Variants in PUDP observed in about 807,000 individuals in gnomAD.
PUDP encodes pseudouridine-5'-phosphatase.
In PUDP, 8 loss-of-function variants were observed where a neutral mutation model predicts 9.4. The observed-to-expected ratio is 0.85, with a 90% CI of 0.50 to 1.53. The LOEUF (loss-of-function observed/expected upper bound fraction) is 1.53. Among genes scored for constraint, PUDP ranks in the 40% most tolerant of loss-of-function variants. PUDP has a pLI of 0.00. For synonymous variants in PUDP, 99 were observed against 80.7 expected (o/e 1.23, Z -1.22); for missense variants, 188 against 189.7 (o/e 0.99, Z 0.05).
At chrX:6,730,480 C>T (rs1924796054) in intron 3 of PUDP, among the ~76,000 whole-genome samples, 1 of 112,073 alleles carries the variant, frequency 8.9e-6, no homozygotes, top group Admixed American at 9.4e-5. Flanking sequence ...AGTTCCAATC[C>T]TGTCTTCCCA....
chrX:7,030,968 G>T (rs1458049144), intron 1 of PUDP, among the ~76,000 whole-genome samples: 1 of 111,544 alleles, frequency 9.0e-6, no homozygotes, highest in East Asian at 2.8e-4. Flanking sequence ...GTTATTTCTT[G>T]ACGATATGCT....
intron 1 of PUDP, among the ~76,000 whole-genome samples, chrX:7,016,362 G>A (rs1569140057): frequency 1.8e-5 from 2 of 110,299 alleles, no homozygotes; most frequent in African/African-American, 6.6e-5. Flanking sequence ...AAGTTCATAT[G>A]AGAATCTCTA....
intron 1 of PUDP, among the ~76,000 whole-genome samples, chrX:7,142,403 A>G (rs1932804240): frequency 1.8e-5 from 2 of 112,130 alleles, no homozygotes; most frequent in African/African-American, 6.5e-5. Flanking sequence ...AAATACCAAG[A>G]GAACTAGAAT....
intron 3 of PUDP, among the ~76,000 whole-genome samples, chrX:6,838,522 G>A (rs780681285): frequency 8.9e-6 from 1 of 112,233 alleles, no homozygotes; most frequent in South Asian, 3.7e-4. Flanking sequence ...AATTTTCTAC[G>A]TGCTTCTAAA....
At chrX:7,009,357 G>A (rs1351618609) in intron 1 of PUDP, among the ~76,000 whole-genome samples, 1 of 111,879 alleles carries the variant, frequency 8.9e-6, no homozygotes, top group Admixed American at 9.5e-5. Flanking sequence ...CAGATACTTC[G>A]GAGGGTAAAA....
chrX:6,979,766 A>T (rs748400784), intron 1 of PUDP, among the ~76,000 whole-genome samples: 17 of 111,318 alleles, frequency 1.5e-4, no homozygotes, highest in African/African-American at 4.5e-4. Flanking sequence ...TTATATTTAA[A>T]TAAAATTTTA....
chrX:7,038,098 G>T (rs1269468158), intron 1 of PUDP, among the ~76,000 whole-genome samples: 1 of 107,830 alleles, frequency 9.3e-6, no homozygotes, highest in Non-Finnish European at 1.9e-5. Flanking sequence ...TAAGCTATTT[G>T]ATTGAAATGC....
intron 3 of PUDP, among the ~76,000 whole-genome samples, chrX:6,831,033 G>T (rs1263133894): frequency 9.0e-6 from 1 of 111,482 alleles, no homozygotes; most frequent in Non-Finnish European, 1.9e-5. Flanking sequence ...TGGGTAGGGG[G>T]TTGGAAAGTG....
At chrX:6,959,452 G>A (rs1196560345) in intron 3 of PUDP, among the ~76,000 whole-genome samples, 1 of 112,227 alleles carries the variant, frequency 8.9e-6, no homozygotes, top group Non-Finnish European at 1.9e-5. Context: ...CCTTGGTGGT[G>A]TCCACGTGGT....
chrX:7,077,031 G>A (rs1305317536), intron 3 of PUDP, among the ~76,000 whole-genome samples, 189 bp downstream of exon 3: 3 of 111,783 alleles, frequency 2.7e-5, no homozygotes, highest in African/African-American at 9.8e-5. Context: ...ACTTAGGTGC[G>A]GCCACGATTC....
chrX:7,021,910 C>T (rs1487126480), intron 1 of PUDP, among the ~76,000 whole-genome samples: 1 of 112,353 alleles, frequency 8.9e-6, no homozygotes, highest in Admixed American at 9.4e-5. Context: ...AAATTAATTA[C>T]AGCATTACAG....
At chrX:7,144,060 G>A (rs917281108) in intron 1 of PUDP, among the ~76,000 whole-genome samples, 4 of 112,089 alleles carry the variant, frequency 3.6e-5, no homozygotes, top group African/African-American at 9.7e-5. Context: ...TTGTGATTAC[G>A]ATCTCATTCC....
intron 2 of PUDP, among the ~76,000 whole-genome samples, chrX:6,977,839 C>T (rs980984385): frequency 3.5e-5 from 4 of 112,798 alleles, no homozygotes; most frequent in African/African-American, 1.3e-4. Context: ...GAGCTAGCTC[C>T]ACAGTCTGAA....
At chrX:6,939,068 A>C (rs994331952) in intron 3 of PUDP, among the ~76,000 whole-genome samples, 1 of 109,883 alleles carries the variant, frequency 9.1e-6, no homozygotes, top group Non-Finnish European at 1.9e-5. Flanking sequence ...TCTAGGTTTC[A>C]TTCCTCATTT....
At chrX:6,945,198 G>T (rs1014713052) in intron 3 of PUDP, among the ~76,000 whole-genome samples, 5 of 110,961 alleles carry the variant, frequency 4.5e-5, no homozygotes, top group African/African-American at 1.6e-4. Flanking sequence ...TGGCTTTGGG[G>T]TACCGGGTGA....
At chrX:6,954,877 C>G (rs1928603619) in intron 3 of PUDP, among the ~76,000 whole-genome samples, 1 of 112,095 alleles carries the variant, frequency 8.9e-6, no homozygotes, top group African/African-American at 3.2e-5. Flanking sequence ...AGAGATTTCA[C>G]TGGGGCTCTA....
chrX:7,066,887 G>A (rs1416151392), intron 3 of PUDP, among the ~76,000 whole-genome samples: 1 of 111,559 alleles, frequency 9.0e-6, no homozygotes, highest in East Asian at 2.8e-4. Context: ...ACACACACAC[G>A]TGTGCGCACA....
intron 3 of PUDP, among the ~76,000 whole-genome samples, chrX:6,831,356 C>T (rs1181001677): frequency 1.8e-5 from 2 of 112,000 alleles, no homozygotes; most frequent in Non-Finnish European, 3.8e-5. Flanking sequence ...GCAGTCTAGT[C>T]CCCAGGTAAG....
chrX:6,877,478 C>A (rs888589534), intron 3 of PUDP, among the ~76,000 whole-genome samples: 1 of 111,468 alleles, frequency 9.0e-6, no homozygotes, highest in Non-Finnish European at 1.9e-5. Flanking sequence ...AGGACCATAA[C>A]GTGAGAAGTT....
Sources: gnomAD v4.1 joint callset for allele counts (sites outside exome capture counted in the v4.1 genomes callset) on GRCh38, gnomAD v4.1.1 for gene constraint, MANE v1.5 for transcripts, NCBI Gene and HGNC (gene_info 2026-07-23, HGNC 2026-07-21) for gene names.